The following EZH2 variants were observed in gnomAD, a reference collection of about 807,000 sequenced individuals.
The protein encoded by EZH2 is enhancer of zeste 2 polycomb repressive complex 2 subunit, also known as histone-lysine N-methyltransferase EZH2.
EZH2 carries 18 observed loss-of-function variants against 98.4 expected under a neutral mutation model. That is an observed-to-expected ratio of 0.18 (90% CI 0.13 to 0.27). The LOEUF (loss-of-function observed/expected upper bound fraction) is 0.27. Among genes scored for constraint, EZH2 ranks in the 10% least tolerant of loss-of-function variants. The pLI is 1.00. For missense variants in EZH2, 470 were observed against 935.1 expected (o/e 0.50, Z 6.49); for synonymous variants, 338 against 312.3 (o/e 1.08, Z -0.87).
At position 148,810,315 on chromosome 7, in the gene EZH2, C is replaced by T. The variant is rs777082272; in HGVS notation, c.2029+18G>A. 4 of 1,588,216 alleles carry T rather than the reference C, an allele frequency of 2.5e-6. No homozygotes were observed. In the East Asian group the frequency reaches 9.0e-5, roughly 36 times the overall value. On this transcript the variant is annotated intron_variant, in intron 17 of 19. Coordinates refer to ENST00000320356, the MANE Select transcript of EZH2 (RefSeq NM_004456.5). Reference sequence around the variant, plus strand: ...CATGCAACTCAGGAACTCACTGCCTCCCAGCTCTGAAACATACCATTGTTC... The same window carrying T: ...CATGCAACTCAGGAACTCACTGCCTTCCAGCTCTGAAACATACCATTGTTC...
chr7:148,810,529 G>A, intron 16 of EZH2, 115 bp from the exon 17 acceptor site: 1 of 626,826 alleles, frequency 1.6e-6, no homozygotes, highest in East Asian at 2.7e-5. Flanking sequence ...GCAACAAAAA[G>A]GGTCACTACA....
intron 1 of EZH2, among the ~76,000 whole-genome samples, chr7:148,855,897 CAAA>C (rs34692092): frequency 7.3e-5 from 3 of 41,012 alleles, no homozygotes; most frequent in African/African-American, 3.3e-4. Flanking sequence ...GACTCCATCT[CAAA>C]AAAAAAAAAA....
intron 1 of EZH2, among the ~76,000 whole-genome samples, chr7:148,853,194 T>C (rs1278078619): frequency 1.3e-5 from 2 of 152,098 alleles, no homozygotes; most frequent in Non-Finnish European, 2.9e-5. Flanking sequence ...GGCAGATCAC[T>C]TGAGGTCAGG....
intron 2 of EZH2, among the ~76,000 whole-genome samples, chr7:148,846,837 A>ACT (rs200341489): frequency 5.5e-5 from 4 of 72,128 alleles, no homozygotes; most frequent in African/African-American, 2.3e-4. Flanking sequence ...TTCTTTGTTG[A>ACT]CTGTGTGTGT....
At chr7:148,874,269 T>G (rs1184282993) in intron 1 of EZH2, among the ~76,000 whole-genome samples, 1 of 152,156 alleles carries the variant, frequency 6.6e-6, no homozygotes, top group Non-Finnish European at 1.5e-5. Flanking sequence ...GTGCCTGTGG[T>G]CCCAGCTACT....
At chr7:148,881,319 T>C (rs1055439586) in intron 1 of EZH2, among the ~76,000 whole-genome samples, 5 of 152,232 alleles carry the variant, frequency 3.3e-5, no homozygotes, top group East Asian at 1.9e-4. Context: ...AAGGAAGGTA[T>C]CCTGGGAAAA....
intron 12 of EZH2, 59 bp from the exon 13 acceptor site, chr7:148,815,605 A>G (rs1804339624): frequency 6.9e-7 from 1 of 1,456,582 alleles, no homozygotes; most frequent in South Asian, 1.1e-5. Context: ...AATCCAACAG[A>G]GAGCTGCTTA....
chr7:148,833,837 T>C (rs1810109841), intron 3 of EZH2, among the ~76,000 whole-genome samples: 1 of 152,202 alleles, frequency 6.6e-6, no homozygotes, highest in South Asian at 2.1e-4. Context: ...AAGTTGCGCA[T>C]GGTTCTCGGG....
intron 1 of EZH2, among the ~76,000 whole-genome samples, chr7:148,861,803 TAAAAA>T (rs10628711): frequency 7.0e-6 from 1 of 143,462 alleles, no homozygotes; most frequent in Non-Finnish European, 1.5e-5. Flanking sequence ...TTCTTTTATT[TAAAAA>T]AAAAAAAAAA....
chr7:148,869,806 A>C (rs1167312189), intron 1 of EZH2, among the ~76,000 whole-genome samples: 2 of 152,234 alleles, frequency 1.3e-5, no homozygotes, highest in Non-Finnish European at 2.9e-5. Flanking sequence ...TGTCACCATG[A>C]AGAGGAGAGA....
At chr7:148,831,110 A>T (rs980189049) in intron 4 of EZH2, among the ~76,000 whole-genome samples, 26 of 152,214 alleles carry the variant, frequency 1.7e-4, no homozygotes, top group Admixed American at 7.2e-4. Context: ...AAGGCCACAC[A>T]CAGGACTAGT....
chr7:148,828,885 A>AACG lies in EZH2; in HGVS notation c.485-8_485-6dup. 4 of 1,601,572 alleles carry AACG rather than the reference A, an allele frequency of 2.5e-6. No homozygotes were observed. Among genetic ancestry groups the AACG allele is most frequent in the Non-Finnish European group, 2.6e-6 (3 of 1,173,348 alleles). ...CATCATTTATAAACCCACATTCTGAAACGCATCAAATGTCAGAAACACACA... is the reference window on the plus strand; with the variant it reads ...CATCATTTATAAACCCACATTCTGAAACGACGCATCAAATGTCAGAAACACACA... On this transcript the variant is annotated splice_region_variant and splice_polypyrimidine_tract_variant and intron_variant, in intron 5 of 19. Coordinates refer to ENST00000320356, the MANE Select transcript of EZH2 (RefSeq NM_004456.5).
chr7:148,857,533 C>T (rs1181666036), intron 1 of EZH2, among the ~76,000 whole-genome samples: 2 of 152,054 alleles, frequency 1.3e-5, no homozygotes, highest in Non-Finnish European at 1.5e-5. Flanking sequence ...AGGCGGATCA[C>T]GTAAGTCAGG....
At chr7:148,816,128 T>C (rs1804477307) in intron 12 of EZH2, among the ~76,000 whole-genome samples, 2 of 152,122 alleles carry the variant, frequency 1.3e-5, no homozygotes, top group African/African-American at 4.8e-5. Context: ...AAATGTGAGG[T>C]AGAGGTATGG....
In EZH2 at chr7:148,814,811, T is replaced by C. The variant is rs1016797703; in HGVS notation, c.1672+103A>G. ...TGTCAAATTGATGAGTTTCGTCAAG[T>C]AAACAAGGGAGTGCTCCCATGTTCT... On this transcript the variant is annotated intron_variant, in intron 14 of 19. Transcript: ENST00000320356. 6.6e-6 allele frequency: 9 copies of C among 1,373,512 alleles called. No homozygotes were observed. In the African/African-American group the frequency reaches 1.3e-4, roughly 20 times the overall value. 85.1% of individuals were successfully genotyped at this position (1,373,512 alleles called of 1,614,324 possible). A position where few individuals can be genotyped will look rare whatever the true frequency, so the allele number is the denominator to read the frequency against.
intron 9 of EZH2, among the ~76,000 whole-genome samples, chr7:148,818,592 C>T (rs1479474731): frequency 6.6e-6 from 1 of 152,036 alleles, no homozygotes; most frequent in African/African-American, 2.4e-5. Flanking sequence ...TTCAACTATA[C>T]AAGAACACAA....
In EZH2 at chr7:148,839,114, T is replaced by TGAGC. The variant is rs1201552734; in HGVS notation, c.247-6368_247-6365dup. On this transcript the variant is annotated intron_variant, in intron 3 of 19. Coordinates refer to ENST00000320356, the MANE Select transcript of EZH2 (RefSeq NM_004456.5). ...GAAGGAAGGAAGGAAGGAAAGTGAG[T>TGAGC]GAGCAAGATGGCACAGGCTGTGGTT... is the stretch of plus-strand genomic sequence containing the variant. Among the ~76,000 whole-genome samples, 476 of 95,324 alleles carry TGAGC rather than the reference T, an allele frequency of 5.0e-3. 6 individuals are homozygous for TGAGC. Among genetic ancestry groups the TGAGC allele is most frequent in the African/African-American group, 0.019 (466 of 24,192 alleles). The allele number at this position is 95,324 out of a possible 152,430, so 62.5% of individuals were successfully genotyped here.
At chr7:148,879,316 CGAGG>C (rs1202953430) in intron 1 of EZH2, among the ~76,000 whole-genome samples, 47 of 152,072 alleles carry the variant, frequency 3.1e-4, no homozygotes, top group Non-Finnish European at 1.2e-4. Context: ...TTTGGGAGGA[CGAGG>C]CAGGTCAATC....
At chr7:148,855,766 T>TGCA (rs1816712435) in intron 1 of EZH2, among the ~76,000 whole-genome samples, 1 of 151,674 alleles carries the variant, frequency 6.6e-6, no homozygotes, top group African/African-American at 2.4e-5. Flanking sequence ...GGCGTGGTGA[T>TGCA]GCACGCCTGT....
Sources: allele counts gnomAD v4.1 joint callset (sites outside exome capture counted in the v4.1 genomes callset), GRCh38; gene constraint gnomAD v4.1.1; transcripts MANE v1.5; gene names NCBI Gene and HGNC (gene_info 2026-07-23, HGNC 2026-07-21).